BMPER: variants seen among roughly 807,000 people sequenced by gnomAD.
BMPER encodes BMP-binding endothelial regulator protein.
BMPER carries 45 observed loss-of-function variants against 87.3 expected under a neutral mutation model. The observed-to-expected ratio is 0.52, with a 90% confidence interval of 0.41 to 0.66. The LOEUF (loss-of-function observed/expected upper bound fraction) is 0.66. BMPER is among the 30% of genes least tolerant of loss of function. BMPER has a pLI of 0.00. For missense variants in BMPER, 784 were observed against 867.5 expected (o/e 0.90, Z 1.21); for synonymous variants, 326 against 316.2 (o/e 1.03, Z -0.33).
At chr7:34,069,966 A>G (rs1437326791) in intron 11 of BMPER, among the ~76,000 whole-genome samples, 2 of 151,806 alleles carry the variant, frequency 1.3e-5, no homozygotes, top group Non-Finnish European at 2.9e-5. Flanking sequence ...TCATTGCTAC[A>G]CCCCTCTTCT....
intron 6 of BMPER, among the ~76,000 whole-genome samples, chr7:34,000,277 T>C (rs1786544431): frequency 6.6e-6 from 1 of 152,140 alleles, no homozygotes. Context: ...CATTTATTCA[T>C]TCAATGTTAT....
At chr7:33,924,425 C>T (rs538357401) in intron 2 of BMPER, among the ~76,000 whole-genome samples, 8 of 152,302 alleles carry the variant, frequency 5.3e-5, no homozygotes, top group South Asian at 4.1e-4. Context: ...TGGCCCTGCG[C>T]GCTGCGGCTC....
chr7:34,155,637 A>G lies in BMPER; in HGVS notation c.*2364A>G, dbSNP rs1791288502. 1 of 152,238 alleles carries G rather than the reference A, an allele frequency of 6.6e-6. No homozygotes were observed. Among genetic ancestry groups the G allele is most frequent in the Admixed American group, 6.5e-5 (1 of 15,282 alleles). The allele number at this position is 152,238 out of a possible 1,614,324, so 9.4% of individuals were successfully genotyped here. On this transcript the variant is annotated 3_prime_UTR_variant, in exon 15 of 15. Transcript: ENST00000649409. ...CTTGGGTTTACTAATTCAAAGAGCC[A>G]TCTCTGATGGGAGAGGGTGAGGAAA...
At position 34,082,397 on chromosome 7, in the gene BMPER, G is replaced by A. The variant is rs76388425; in HGVS notation, c.1408+3211G>A. ...TTGTATGGATTTTGCTCATGTAGAG[G>A]GTAAAAATATCCATGCAAATGCATA... On this transcript the variant is annotated intron_variant, in intron 12 of 14. Transcript: ENST00000649409. Among the ~76,000 whole-genome samples, 853 of 146,394 alleles carry A rather than the reference G, an allele frequency of 5.8e-3. 3 individuals carry two copies. The highest frequency in any genetic ancestry group is 0.015 in the Middle Eastern group (4 of 274).
chr7:34,107,907 A>C (rs887506201), intron 13 of BMPER, among the ~76,000 whole-genome samples: 11 of 152,214 alleles, frequency 7.2e-5, no homozygotes, highest in African/African-American at 2.4e-4. Flanking sequence ...TCTAGACCTC[A>C]ATCTCCTTAT....
At chr7:33,960,360 C>T (rs1324832867) in intron 3 of BMPER, among the ~76,000 whole-genome samples, 4 of 152,286 alleles carry the variant, frequency 2.6e-5, no homozygotes, top group Non-Finnish European at 5.9e-5. Context: ...TTTGATTATA[C>T]TTCCATATGT....
chr7:34,102,234 G>A (rs546772572), intron 13 of BMPER, among the ~76,000 whole-genome samples: 2 of 152,006 alleles, frequency 1.3e-5, no homozygotes, highest in African/African-American at 2.4e-5. Flanking sequence ...TTATAGCTTC[G>A]GAGAAATTAG....
At chr7:34,117,645 T>C (rs1790151322) in intron 13 of BMPER, among the ~76,000 whole-genome samples, 1 of 152,212 alleles carries the variant, frequency 6.6e-6, no homozygotes, top group Non-Finnish European at 1.5e-5. Context: ...TTTTTCATTC[T>C]TGTCATCTGT....
intron 3 of BMPER, among the ~76,000 whole-genome samples, chr7:33,959,429 C>T (rs1375162985): frequency 6.6e-6 from 1 of 152,090 alleles, no homozygotes; most frequent in African/African-American, 2.4e-5. Flanking sequence ...TTCCTTCTTT[C>T]TCCATTTTTG....
At chr7:34,124,085 A>G (rs1199371598) in intron 13 of BMPER, among the ~76,000 whole-genome samples, 4 of 152,174 alleles carry the variant, frequency 2.6e-5, no homozygotes, top group Admixed American at 2.6e-4. Flanking sequence ...TGTTGTTGAC[A>G]TAGGCTCTCA....
At chr7:34,038,421 G>A (rs1365314884) in intron 6 of BMPER, among the ~76,000 whole-genome samples, 1 of 152,200 alleles carries the variant, frequency 6.6e-6, no homozygotes, top group African/African-American at 2.4e-5. Context: ...CAGAAGGAAT[G>A]CAGCCTGCTG....
intron 8 of BMPER, among the ~76,000 whole-genome samples, chr7:34,053,988 T>G (rs927521344): frequency 6.6e-6 from 1 of 152,220 alleles, no homozygotes; most frequent in East Asian, 1.9e-4. Flanking sequence ...TAGCAGATGC[T>G]TCTTCATCCA....
chr7:34,051,873 T>C lies in BMPER; in HGVS notation c.689T>C (p.Val230Ala), dbSNP rs1335264014. 2 of 1,613,268 alleles carry C rather than the reference T, an allele frequency of 1.2e-6. No homozygotes were observed. The highest frequency in any genetic ancestry group is 1.7e-6 in the Non-Finnish European group (2 of 1,179,218). The stretch of plus-strand genomic sequence containing the variant: ...TGTTTCTCTCTAGGTCAGAGGAAAG[T>C]GTTTGACCTCCCTTTTGGGAGCTGC... ...CCPKCLGQRK[V>A]FDLPFGSCLF... The change falls in exon 8 of 15, where the codon GTG (valine) becomes GCG (alanine). Residue 230 changes from valine to alanine, a missense_variant. Physicochemically the swap from Val to Ala is moderately conservative, Grantham distance 64. Transcript: ENST00000649409.
At chr7:33,939,306 G>T (rs1421672299) in intron 3 of BMPER, among the ~76,000 whole-genome samples, 1 of 152,172 alleles carries the variant, frequency 6.6e-6, no homozygotes, top group Admixed American at 6.5e-5. Flanking sequence ...TCAAGGGAAA[G>T]AGATACCCAA....
chr7:33,954,353 G>T (rs534363188), intron 3 of BMPER, among the ~76,000 whole-genome samples: 3 of 152,282 alleles, frequency 2.0e-5, no homozygotes, highest in African/African-American at 7.2e-5. Context: ...AAGATACAAG[G>T]TTTCACAGAG....
chr7:33,949,109 T>G (rs1179707818), intron 3 of BMPER, among the ~76,000 whole-genome samples: 2 of 152,188 alleles, frequency 1.3e-5, no homozygotes, highest in Non-Finnish European at 2.9e-5. Context: ...CAGTGGCTTT[T>G]CTTACTAATT....
At chr7:34,081,521 C>T (rs114088859) in intron 12 of BMPER, among the ~76,000 whole-genome samples, 3,086 of 152,246 alleles carry the variant, frequency 0.02, 99 homozygotes, top group African/African-American at 0.071. Flanking sequence ...GCTGTAGTTG[C>T]GTAGCTAATA....
chr7:34,131,620 G>A (rs1242615516), intron 13 of BMPER, among the ~76,000 whole-genome samples: 2 of 152,120 alleles, frequency 1.3e-5, no homozygotes, highest in African/African-American at 4.8e-5. Context: ...CTGGGGTGTG[G>A]CCTCCAGATG....
intron 6 of BMPER, among the ~76,000 whole-genome samples, chr7:34,015,895 G>C (rs577524713): frequency 1.2e-4 from 18 of 151,920 alleles, no homozygotes; most frequent in Non-Finnish European, 2.9e-5. Flanking sequence ...TATGTTTTAG[G>C]AGCCTGTAGA....
Sources: gnomAD v4.1 joint callset for allele counts (sites outside exome capture counted in the v4.1 genomes callset) on GRCh38, gnomAD v4.1.1 for gene constraint, MANE v1.5 for transcripts, NCBI Gene and HGNC (gene_info 2026-07-23, HGNC 2026-07-21) for gene names.